Variants in MYO16 observed in about 807,000 individuals in gnomAD.
MYO16 encodes myosin XVI, also known as unconventional myosin-XVI.
Under a neutral mutation model 205.3 loss-of-function variants are expected in MYO16, and 94 were observed. The ratio of observed to expected loss-of-function variants is 0.46; its 90% CI spans 0.39 to 0.54. The LOEUF (loss-of-function observed/expected upper bound fraction) is 0.54. Among genes scored for constraint, MYO16 ranks in the 20% least tolerant of loss-of-function variants. The probability of loss-of-function intolerance (pLI) is 0.00; values close to 1 mark genes in which losing one functional copy is unlikely to be tolerated. For missense variants in MYO16, 2,315 were observed against 2,387.5 expected (o/e 0.97, Z 0.63); for synonymous variants, 988 against 954.0 (o/e 1.04, Z -0.66).
At chr13:108,751,936 C>T (rs890211972) in intron 4 of MYO16, among the ~76,000 whole-genome samples, 1 of 152,114 alleles carries the variant, frequency 6.6e-6, no homozygotes, top group African/African-American at 2.4e-5. Flanking sequence ...ATGTAGTATC[C>T]TGATGAGATC....
intron 1 of MYO16, chr13:108,659,229 A>G (rs1881384131): frequency 6.3e-6 from 1 of 158,202 alleles, no homozygotes; most frequent in Admixed American, 6.8e-5. Context: ...TATATATGAT[A>G]TATATATGCT....
At chr13:108,636,127 T>C (rs1316004408) in intron 1 of MYO16, among the ~76,000 whole-genome samples, 4 of 152,104 alleles carry the variant, frequency 2.6e-5, no homozygotes, top group Non-Finnish European at 5.9e-5. Flanking sequence ...TCTAAATATA[T>C]TTGCATCCAT....
At chr13:108,873,634 C>T (rs1448336999) in intron 12 of MYO16, among the ~76,000 whole-genome samples, 1 of 128,046 alleles carries the variant, frequency 7.8e-6, no homozygotes, top group African/African-American at 2.8e-5. Flanking sequence ...TCCAGGCCAA[C>T]CAACCAGGAC....
At chr13:108,700,348 AAAGAAGAAGAAG>A (rs56374914) in intron 2 of MYO16, among the ~76,000 whole-genome samples, 5 of 129,562 alleles carry the variant, frequency 3.9e-5, no homozygotes, top group African/African-American at 1.5e-4. Context: ...AAAAAAAAAA[AAAGAAGAAGAAG>A]AAGAAGAAGA....
intron 21 of MYO16, among the ~76,000 whole-genome samples, chr13:109,000,341 G>T (rs1194364828): frequency 6.6e-6 from 1 of 152,104 alleles, no homozygotes; most frequent in Non-Finnish European, 1.5e-5. Flanking sequence ...AGCTTTTTCA[G>T]AAAATTAAGA....
intron 8 of MYO16, among the ~76,000 whole-genome samples, chr13:108,821,870 C>T (rs1012655510): frequency 6.6e-6 from 1 of 152,142 alleles, no homozygotes; most frequent in Non-Finnish European, 1.5e-5. Flanking sequence ...TTATTCATGG[C>T]CTGTTGGCAA....
chr13:108,844,704 T>A (rs909662397), intron 10 of MYO16, among the ~76,000 whole-genome samples: 1 of 114,814 alleles, frequency 8.7e-6, no homozygotes, highest in Non-Finnish European at 1.9e-5. Flanking sequence ...CAATTTGAAT[T>A]TTGGTTTTGA....
At chr13:108,808,487 A>G (rs189193405) in intron 7 of MYO16, among the ~76,000 whole-genome samples, 653 of 151,570 alleles carry the variant, frequency 4.3e-3, no homozygotes, top group Non-Finnish European at 6.3e-3. Flanking sequence ...AATTTTTTCT[A>G]TTTTTAGTGG....
chr13:109,124,437 G>A (rs1876140895), intron 29 of MYO16, among the ~76,000 whole-genome samples: 2 of 152,214 alleles, frequency 1.3e-5, no homozygotes, highest in Non-Finnish European at 2.9e-5. Context: ...TTGAGTTTCA[G>A]AATTGAATGA....
intron 6 of MYO16, among the ~76,000 whole-genome samples, chr13:108,804,575 T>C (rs1172691926): frequency 6.6e-6 from 1 of 152,204 alleles, no homozygotes; most frequent in Non-Finnish European, 1.5e-5. Context: ...AGAAACTATA[T>C]CCCACAGAGG....
intron 23 of MYO16, among the ~76,000 whole-genome samples, chr13:109,030,646 T>C (rs1886518693): frequency 6.6e-6 from 1 of 152,142 alleles, no homozygotes; most frequent in Admixed American, 6.5e-5. Flanking sequence ...TTATCGACTC[T>C]CAAGATTCAG....
chr13:108,830,759 A>G (rs1876573461), intron 9 of MYO16, among the ~76,000 whole-genome samples: 1 of 152,198 alleles, frequency 6.6e-6, no homozygotes. Flanking sequence ...TTAAAGTATA[A>G]TAATAAAACG....
intron 19 of MYO16, among the ~76,000 whole-genome samples, chr13:108,963,357 T>C (rs1452550888): frequency 6.6e-6 from 1 of 152,188 alleles, no homozygotes; most frequent in Non-Finnish European, 1.5e-5. Context: ...ATCTCCCCAT[T>C]GTTCACTCAG....
chr13:109,195,514 T>C (rs1880116784), intron 34 of MYO16, among the ~76,000 whole-genome samples: 1 of 152,132 alleles, frequency 6.6e-6, no homozygotes, highest in Admixed American at 6.6e-5. Flanking sequence ...TAGACTTCGG[T>C]TTTATAGACT....
intron 3 of MYO16, among the ~76,000 whole-genome samples, chr13:108,717,607 G>A (rs1386214069): frequency 1.5e-5 from 2 of 137,730 alleles, no homozygotes. Context: ...TCCAGCCTGG[G>A]TGACAGAGCA....
At chr13:108,976,301 A>G (rs1379410915) in intron 20 of MYO16, among the ~76,000 whole-genome samples, 3 of 152,132 alleles carry the variant, frequency 2.0e-5, no homozygotes, top group Non-Finnish European at 4.4e-5. Context: ...TGTTTTATCA[A>G]TTGCTGTTAA....
At chr13:108,505,930 A>G in the MYO16 span, among the ~76,000 whole-genome samples, 1 of 152,098 alleles carries the variant, frequency 6.6e-6, no homozygotes, top group Non-Finnish European at 1.5e-5. Context: ...TTCTTTCCCC[A>G]TTGTGTAGTC....
At chr13:108,951,040 G>A (rs756660863) in intron 16 of MYO16, among the ~76,000 whole-genome samples, 8 of 148,472 alleles carry the variant, frequency 5.4e-5, no homozygotes, top group Non-Finnish European at 8.9e-5. Flanking sequence ...TCCTCAAAAC[G>A]TTTTTTTGTT....
At chr13:108,559,930 C>G in the MYO16 span, among the ~76,000 whole-genome samples, 1 of 152,142 alleles carries the variant, frequency 6.6e-6, no homozygotes, top group Admixed American at 6.5e-5. Context: ...TTTAAAATTA[C>G]AGCACTATGA....
Sources: gnomAD v4.1 joint callset for allele counts (sites outside exome capture counted in the v4.1 genomes callset) on GRCh38, gnomAD v4.1.1 for gene constraint, MANE v1.5 for transcripts, NCBI Gene and HGNC (gene_info 2026-07-23, HGNC 2026-07-21) for gene names.